FKTN: variants seen among roughly 807,000 people sequenced by gnomAD.
FKTN encodes the protein fukutin, also known as ribitol-5-phosphate transferase FKTN.
A neutral mutation model predicts 58.6 loss-of-function variants in FKTN; 47 were observed. The ratio of observed to expected loss-of-function variants is 0.80; its 90% CI spans 0.63 to 1.02. The LOEUF (loss-of-function observed/expected upper bound fraction) is 1.02. Ranked by LOEUF, FKTN falls within the 50% of genes least tolerant of loss-of-function variation. The pLI is 0.00. For synonymous variants in FKTN, 178 were observed against 191.9 expected (o/e 0.93, Z 0.60); for missense variants, 516 against 537.3 (o/e 0.96, Z 0.39).
chr9:105,638,631 C>T lies in FKTN; in HGVS notation c.*3367C>T, dbSNP rs75796889. On this transcript the variant is annotated 3_prime_UTR_variant, in exon 11 of 11. Transcript: ENST00000357998. ...GGGACCTTTCCCTGGTAGTAGTGGT[C>T]TCATTCACAAAAAAGAATAATAGAT... 1.5e-4 allele frequency: 146 copies of T among 985,090 alleles called. 1 individual carries two copies. In the African/African-American group the frequency reaches 2.5e-3, roughly 17 times the overall value. The allele number at this position is 985,090 out of a possible 1,614,324, so 61.0% of individuals were successfully genotyped here. A position where few individuals can be genotyped will look rare whatever the true frequency, so the allele number is the denominator to read the frequency against.
At chr9:105,560,452 C>A (rs1308156284) in intron 1 of FKTN, among the ~76,000 whole-genome samples, 1 of 152,166 alleles carries the variant, frequency 6.6e-6, no homozygotes, top group African/African-American at 2.4e-5. Flanking sequence ...TAAGCCACTA[C>A]CACTACCCAT....
chr9:105,562,819 A>T (rs1481378554), intron 1 of FKTN, among the ~76,000 whole-genome samples: 1 of 152,188 alleles, frequency 6.6e-6, no homozygotes, highest in Non-Finnish European at 1.5e-5. Flanking sequence ...TCACTCTCTG[A>T]TTCATACTAT....
In FKTN at chr9:105,636,783, C is replaced by T; in HGVS notation, c.*1519C>T. ...CAATAGTAGTCTCAAGAATGGAAAC[C>T]TGAATGTCTGAGGGAATGGGCTGGT... On this transcript the variant is annotated 3_prime_UTR_variant, in exon 11 of 11. Coordinates refer to ENST00000357998, the MANE Select transcript of FKTN (RefSeq NM_001079802.2). 1 of 1,273,546 alleles carries T rather than the reference C, an allele frequency of 7.9e-7. No individual in the cohort carries two copies. Among genetic ancestry groups the T allele is most frequent in the Non-Finnish European group, 1.0e-6 (1 of 968,162 alleles). The allele number at this position is 1,273,546 out of a possible 1,614,324, so 78.9% of individuals were successfully genotyped here.
intron 7 of FKTN, among the ~76,000 whole-genome samples, chr9:105,613,878 A>T (rs928179861): frequency 6.6e-6 from 1 of 152,236 alleles, no homozygotes; most frequent in Non-Finnish European, 1.5e-5. Flanking sequence ...GAATAAATAC[A>T]TATGTCTTCC....
intron 3 of FKTN, among the ~76,000 whole-genome samples, chr9:105,589,668 A>G (rs974929538): frequency 6.6e-6 from 1 of 152,170 alleles, no homozygotes; most frequent in African/African-American, 2.4e-5. Flanking sequence ...CTATTAATGA[A>G]TATTTCATGG....
At chr9:105,634,136 T>C (rs1341414657) in intron 10 of FKTN, among the ~76,000 whole-genome samples, 2 of 152,076 alleles carry the variant, frequency 1.3e-5, no homozygotes, top group African/African-American at 4.8e-5. Context: ...TCTGTTTGTT[T>C]TGTTTTTTTT....
chr9:105,564,929 AT>A (rs1188453875), intron 1 of FKTN, among the ~76,000 whole-genome samples: 1 of 152,258 alleles, frequency 6.6e-6, no homozygotes, highest in African/African-American at 2.4e-5. Context: ...AGGGAAGCCC[AT>A]CAGACTAACA....
At chr9:105,564,740 G>T (rs966036911) in intron 1 of FKTN, among the ~76,000 whole-genome samples, 4 of 152,174 alleles carry the variant, frequency 2.6e-5, no homozygotes, top group Non-Finnish European at 5.9e-5. Context: ...TATTATCCAG[G>T]AGAACTTCCC....
intron 10 of FKTN, 70 bp downstream of exon 10, chr9:105,620,131 GT>G (rs1434129072): frequency 7.1e-7 from 1 of 1,413,014 alleles, no homozygotes; most frequent in Non-Finnish European, 9.9e-7. Context: ...AAATAAAGAA[GT>G]AACTGAAAAG....
chr9:105,612,186 T>C (rs1322171398), intron 7 of FKTN, among the ~76,000 whole-genome samples: 1 of 152,172 alleles, frequency 6.6e-6, no homozygotes, highest in African/African-American at 2.4e-5. Flanking sequence ...TTTTGAAAAG[T>C]GTCTGTTCGT....
intron 10 of FKTN, 122 bp from the exon 11 acceptor site, chr9:105,634,929 C>T (rs900734472): frequency 3.6e-6 from 3 of 825,354 alleles, no homozygotes; most frequent in Admixed American, 3.6e-5. Flanking sequence ...TAAATATCCA[C>T]TCTCTTCCCA....
Position 105,640,122 on chromosome 9 carries a change from G to T in FKTN, c.*4858G>T. On this transcript the variant is annotated 3_prime_UTR_variant, in exon 11 of 11. Transcript: ENST00000357998. ...CTAGGCAAGAATCAGCAGGGTGCATGATGCCATTTTAAGCTGCTTCACATC... is the reference window on the plus strand; with the variant it reads ...CTAGGCAAGAATCAGCAGGGTGCATTATGCCATTTTAAGCTGCTTCACATC... 1 of 1,535,458 alleles carries T rather than the reference G, an allele frequency of 6.5e-7. No individual in the cohort carries two copies. Among genetic ancestry groups the T allele is most frequent in the Non-Finnish European group, 8.7e-7 (1 of 1,146,736 alleles).
At chr9:105,562,318 T>G (rs1838447298) in intron 1 of FKTN, among the ~76,000 whole-genome samples, 1 of 152,210 alleles carries the variant, frequency 6.6e-6, no homozygotes, top group Non-Finnish European at 1.5e-5. Context: ...GAATGAGGGC[T>G]GCTGGTTGGC....
In FKTN at chr9:105,638,304, T is replaced by C; in HGVS notation, c.*3040T>C. The C allele has an allele frequency of 2.0e-6, 2 of 985,446 alleles. No individual in the cohort carries two copies. Among genetic ancestry groups the C allele is most frequent in the Non-Finnish European group, 2.4e-6 (2 of 829,930 alleles). 61.0% of individuals were successfully genotyped at this position (985,446 alleles called of 1,614,324 possible). ...GTTTCTGCCGCTTAGTATCTTTTTG[T>C]TCAGATTGAGAACCTAAGGCGACAG... On this transcript the variant is annotated 3_prime_UTR_variant, in exon 11 of 11. Transcript: ENST00000357998.
At chr9:105,566,333 A>T (rs1444131852) in intron 1 of FKTN, among the ~76,000 whole-genome samples, 1 of 152,114 alleles carries the variant, frequency 6.6e-6, no homozygotes, top group Non-Finnish European at 1.5e-5. Context: ...GACACAAAAA[A>T]CCCTTCAAAA....
At chr9:105,561,745 G>T (rs1057189463) in intron 1 of FKTN, among the ~76,000 whole-genome samples, 9 of 152,196 alleles carry the variant, frequency 5.9e-5, no homozygotes, top group Non-Finnish European at 1.2e-4. Flanking sequence ...AGCAGGTAAA[G>T]AAACTTCTTA....
In FKTN at chr9:105,639,638, T is replaced by C. The variant is rs1834288231; in HGVS notation, c.*4374T>C. 2 of 955,498 alleles carry C rather than the reference T, an allele frequency of 2.1e-6. No individual in the cohort carries two copies. The highest frequency in any genetic ancestry group is 3.6e-5 in the African/African-American group (2 of 54,886). 59.2% of individuals were successfully genotyped at this position (955,498 alleles called of 1,614,324 possible). Reference sequence around the variant, plus strand: ...CAAAAGATTGCATGACTGAATTTGCTTAAGAAAAAAAAAATTGTATCAAGT... The same window carrying C: ...CAAAAGATTGCATGACTGAATTTGCCTAAGAAAAAAAAAATTGTATCAAGT... On this transcript the variant is annotated 3_prime_UTR_variant, in exon 11 of 11. Coordinates refer to ENST00000357998, the MANE Select transcript of FKTN (RefSeq NM_001079802.2).
intron 7 of FKTN, among the ~76,000 whole-genome samples, chr9:105,613,036 T>A (rs1256028350): frequency 6.6e-6 from 1 of 152,164 alleles, no homozygotes; most frequent in Non-Finnish European, 1.5e-5. Context: ...TGGGAATATG[T>A]CCATATGGGA....
At chr9:105,602,122 A>G (rs1827978941) in intron 5 of FKTN, among the ~76,000 whole-genome samples, 1 of 152,234 alleles carries the variant, frequency 6.6e-6, no homozygotes, top group African/African-American at 2.4e-5. Flanking sequence ...CAAGTTTCCA[A>G]CAACAAAAAA....
Sources: allele counts gnomAD v4.1 joint callset (sites outside exome capture counted in the v4.1 genomes callset), GRCh38; gene constraint gnomAD v4.1.1; transcripts MANE v1.5; gene names NCBI Gene and HGNC (gene_info 2026-07-23, HGNC 2026-07-21).